Variants in LRP1B observed in about 807,000 individuals in gnomAD.
LRP1B encodes the protein LDL receptor related protein 1B, also known as low-density lipoprotein receptor-related protein 1B.
LRP1B carries 217 observed loss-of-function variants against 556.6 expected under a neutral mutation model. That is an observed-to-expected ratio of 0.39 (90% CI 0.35 to 0.44). The LOEUF is 0.44. Among genes scored for constraint, LRP1B ranks in the 20% least tolerant of loss-of-function variants. The pLI is 1.00. For missense variants in LRP1B, 5,053 were observed against 5,620.8 expected, an observed-to-expected ratio of 0.90 and a Z score of 3.23; for synonymous variants, 2,047 against 1,865.8, an observed-to-expected ratio of 1.10 and a Z score of -2.50.
chr2:141,461,594 C>T (rs1681875452), intron 3 of LRP1B, among the ~76,000 whole-genome samples: 1 of 152,120 alleles, frequency 6.6e-6, no homozygotes, highest in East Asian at 1.9e-4. Context: ...AAGGACTGGT[C>T]TATGTTGACT....
At chr2:140,262,496 G>A (rs1029442033) in intron 86 of LRP1B, among the ~76,000 whole-genome samples, 8 of 152,102 alleles carry the variant, frequency 5.3e-5, no homozygotes, top group African/African-American at 1.7e-4. Flanking sequence ...TGTGAATCCA[G>A]GGAAGTCTGA....
At chr2:140,252,664 A>T (rs970711700) in intron 86 of LRP1B, among the ~76,000 whole-genome samples, 2 of 152,070 alleles carry the variant, frequency 1.3e-5, no homozygotes, top group Admixed American at 6.6e-5. Context: ...ATTTAAACAA[A>T]TGCAAATAAA....
At chr2:140,330,208 T>TAAC (rs1680726688) in intron 79 of LRP1B, among the ~76,000 whole-genome samples, 1 of 82,072 alleles carries the variant, frequency 1.2e-5, no homozygotes, top group African/African-American at 3.6e-5. Flanking sequence ...TCAATAATAA[T>TAAC]AATAATAATA....
intron 49 of LRP1B, among the ~76,000 whole-genome samples, chr2:140,520,991 T>G (rs1303309015): frequency 6.6e-6 from 1 of 151,578 alleles, no homozygotes; most frequent in East Asian, 1.9e-4. Context: ...ATATTAATTT[T>G]TTTCAAAAAT....
intron 3 of LRP1B, among the ~76,000 whole-genome samples, chr2:141,260,711 G>A (rs564394524): frequency 6.6e-6 from 1 of 152,306 alleles, no homozygotes; most frequent in South Asian, 2.1e-4. Flanking sequence ...GATTTAGCAA[G>A]ACAGTGAGAA....
chr2:142,095,141 T>C (rs1706314489), intron 1 of LRP1B, among the ~76,000 whole-genome samples: 1 of 148,326 alleles, frequency 6.7e-6, no homozygotes, highest in Non-Finnish European at 1.5e-5. Context: ...TAAAAAAGCT[T>C]TTTTTTTTTT....
chr2:141,318,921 C>T (rs1687126608), intron 3 of LRP1B, among the ~76,000 whole-genome samples: 1 of 152,014 alleles, frequency 6.6e-6, no homozygotes, highest in African/African-American at 2.4e-5. Flanking sequence ...AATTTATATT[C>T]ATTAGAATCC....
At chr2:140,885,162 C>T (rs1370762293) in intron 24 of LRP1B, among the ~76,000 whole-genome samples, 1 of 152,122 alleles carries the variant, frequency 6.6e-6, no homozygotes, top group African/African-American at 2.4e-5. Context: ...CTAAATCCAT[C>T]ATTTTAAATC....
At chr2:141,813,042 C>T (rs1228478363) in intron 1 of LRP1B, among the ~76,000 whole-genome samples, 2 of 152,026 alleles carry the variant, frequency 1.3e-5, no homozygotes, top group Non-Finnish European at 1.5e-5. Context: ...GAATGTTTTA[C>T]AGTTTTACAG....
chr2:141,656,452 C>T (rs1690011717), intron 2 of LRP1B, among the ~76,000 whole-genome samples: 1 of 152,036 alleles, frequency 6.6e-6, no homozygotes, highest in African/African-American at 2.4e-5. Flanking sequence ...ACATCTGTAT[C>T]TTAATATTGA....
intron 2 of LRP1B, among the ~76,000 whole-genome samples, chr2:141,649,346 T>C (rs535432105): frequency 3.3e-5 from 5 of 152,334 alleles, no homozygotes; most frequent in Admixed American, 3.3e-4. Context: ...AATCCCATTG[T>C]TCTTAGCAAA....
chr2:140,727,234 C>A (rs150980449), intron 35 of LRP1B, among the ~76,000 whole-genome samples: 99 of 152,234 alleles, frequency 6.5e-4, no homozygotes, highest in African/African-American at 2.3e-3. Flanking sequence ...GAAGCTGCAA[C>A]GTTCTGACCA....
At chr2:142,035,463 T>C (rs1431265723) in intron 1 of LRP1B, among the ~76,000 whole-genome samples, 2 of 151,214 alleles carry the variant, frequency 1.3e-5, no homozygotes, top group Non-Finnish European at 3.0e-5. Context: ...CACTTATTTG[T>C]ATTTTTTTTT....
chr2:141,092,275 A>G (rs1051616789), intron 7 of LRP1B, among the ~76,000 whole-genome samples: 2 of 152,206 alleles, frequency 1.3e-5, no homozygotes, highest in African/African-American at 2.4e-5. Context: ...TGGACACTGT[A>G]TATTTTGAAG....
intron 2 of LRP1B, among the ~76,000 whole-genome samples, chr2:141,727,211 GA>G (rs1407568862): frequency 6.6e-5 from 10 of 152,088 alleles, no homozygotes; most frequent in Non-Finnish European, 1.0e-4. Context: ...AGTACCTTAA[GA>G]ACCACACCTA....
At chr2:141,700,167 G>C (rs1014877694) in intron 2 of LRP1B, among the ~76,000 whole-genome samples, 2 of 151,540 alleles carry the variant, frequency 1.3e-5, no homozygotes, top group African/African-American at 4.8e-5. Context: ...AAAATAGTGT[G>C]GTTATTAAAT....
intron 41 of LRP1B, among the ~76,000 whole-genome samples, chr2:140,652,925 T>C (rs1017446464): frequency 6.6e-6 from 1 of 152,066 alleles, no homozygotes; most frequent in Admixed American, 6.6e-5. Context: ...AAGCTATTCT[T>C]AAAATTACTT....
chr2:140,594,764 A>G (rs1257537541), intron 43 of LRP1B, among the ~76,000 whole-genome samples: 1 of 152,096 alleles, frequency 6.6e-6, no homozygotes, highest in Admixed American at 6.6e-5. Flanking sequence ...AAAATATGCA[A>G]TTATGCAAAA....
intron 1 of LRP1B, among the ~76,000 whole-genome samples, chr2:141,881,907 A>G (rs961048284): frequency 1.3e-5 from 2 of 152,088 alleles, no homozygotes; most frequent in Non-Finnish European, 1.5e-5. Context: ...CTCTAGGAAG[A>G]TATTAAATAT....
Sources: allele counts gnomAD v4.1 joint callset (sites outside exome capture counted in the v4.1 genomes callset), GRCh38; gene constraint gnomAD v4.1.1; transcripts MANE v1.5; gene names NCBI Gene and HGNC (gene_info 2026-07-23, HGNC 2026-07-21).